The following CDH2 variants were observed in gnomAD, a reference collection of about 807,000 sequenced individuals.
CDH2 encodes the protein cadherin-2.
Under a neutral mutation model 92.0 loss-of-function variants are expected in CDH2, and 17 were observed. The ratio of observed to expected loss-of-function variants is 0.18; its 90% CI spans 0.13 to 0.28. The LOEUF is 0.28. Ranked by LOEUF, CDH2 falls within the 10% of genes least tolerant of loss-of-function variation. CDH2 has a pLI of 1.00. For synonymous variants in CDH2, 419 were observed against 415.9 expected (o/e 1.01, Z -0.09); for missense variants, 862 against 1,133.1 (o/e 0.76, Z 3.44).
chr18:28,023,252 C>T (rs2013458479), intron 2 of CDH2, among the ~76,000 whole-genome samples: 1 of 152,072 alleles, frequency 6.6e-6, no homozygotes, highest in Non-Finnish European at 1.5e-5. Context: ...ATGTTTACAC[C>T]TTCATATCAT....
At chr18:28,144,924 G>C (rs574019024) in intron 2 of CDH2, among the ~76,000 whole-genome samples, 1 of 152,172 alleles carries the variant, frequency 6.6e-6, no homozygotes, top group East Asian at 1.9e-4. Flanking sequence ...AAAAAATAAA[G>C]GGAAATGGGG....
At chr18:28,134,971 A>G (rs1209889627) in intron 2 of CDH2, among the ~76,000 whole-genome samples, 1 of 152,168 alleles carries the variant, frequency 6.6e-6, no homozygotes, top group East Asian at 1.9e-4. Context: ...AGAAGCACTG[A>G]CATCATGGGC....
chr18:28,158,762 GT>G (rs2016260610), intron 1 of CDH2, among the ~76,000 whole-genome samples: 1 of 152,286 alleles, frequency 6.6e-6, no homozygotes, highest in African/African-American at 2.4e-5. Flanking sequence ...CAGAGGCTAT[GT>G]TATGTGTGAT....
rs574764202 is a variant in CDH2 at position 28,004,552 on chromosome 18, T to C, written c.847+1297A>G. ...GTAAAATGCATCATAAATATAGCTT[T>C]AGTGGCACATTTTAAACAATTTTTG... is the stretch of plus-strand genomic sequence containing the variant. On this transcript the variant is annotated intron_variant, in intron 6 of 15. Coordinates refer to ENST00000269141, the MANE Select transcript of CDH2 (RefSeq NM_001792.5). Among the ~76,000 whole-genome samples the C allele has an allele frequency of 2.0e-5, 3 of 152,304 alleles. No individual in the cohort carries two copies. The East Asian group carries it at 5.8e-4, about 29-fold the overall frequency.
At chr18:27,986,515 T>G (rs530815539) in intron 11 of CDH2, among the ~76,000 whole-genome samples, 2 of 152,324 alleles carry the variant, frequency 1.3e-5, no homozygotes, top group East Asian at 3.9e-4. Flanking sequence ...TCCACCACTT[T>G]GTGTGATAAT....
chr18:27,962,360 A>G (rs922867734), intron 15 of CDH2, among the ~76,000 whole-genome samples: 14 of 152,368 alleles, frequency 9.2e-5, no homozygotes, highest in African/African-American at 3.4e-4. Context: ...ATAGTTATAG[A>G]GACAGGCAAC....
intron 2 of CDH2, among the ~76,000 whole-genome samples, chr18:28,100,361 C>CT (rs2015207551): frequency 6.6e-6 from 1 of 152,178 alleles, no homozygotes. Flanking sequence ...CGAACATCAG[C>CT]TTTTTTCTGC....
At chr18:28,070,676 T>G (rs1419714519) in intron 2 of CDH2, among the ~76,000 whole-genome samples, 5 of 152,190 alleles carry the variant, frequency 3.3e-5, no homozygotes, top group Admixed American at 3.3e-4. Flanking sequence ...GAAGGCAGTA[T>G]GCCCACTCCC....
intron 2 of CDH2, among the ~76,000 whole-genome samples, chr18:28,067,252 A>G (rs2014526283): frequency 6.6e-6 from 1 of 152,198 alleles, no homozygotes; most frequent in African/African-American, 2.4e-5. Context: ...TTTAAAGTAT[A>G]TAATTCAATG....
intron 9 of CDH2, among the ~76,000 whole-genome samples, chr18:27,991,783 C>A (rs1391671501): frequency 6.6e-6 from 1 of 152,162 alleles, no homozygotes; most frequent in Non-Finnish European, 1.5e-5. Context: ...ACTCCCGCAT[C>A]TGCATAATTA....
At chr18:28,156,238 A>T (rs1448133069) in intron 1 of CDH2, among the ~76,000 whole-genome samples, 1 of 152,186 alleles carries the variant, frequency 6.6e-6, no homozygotes, top group African/African-American at 2.4e-5. Context: ...CTTTTAATCA[A>T]GTAAGGACAA....
At chr18:27,980,939 G>T (rs534365578) in intron 14 of CDH2, among the ~76,000 whole-genome samples, 11 of 152,220 alleles carry the variant, frequency 7.2e-5, no homozygotes, top group African/African-American at 2.2e-4. Flanking sequence ...ATCAATCTAA[G>T]TGGATAAAGT....
At chr18:28,016,725 A>G (rs185218622) in intron 2 of CDH2, among the ~76,000 whole-genome samples, 13 of 152,280 alleles carry the variant, frequency 8.5e-5, no homozygotes. Flanking sequence ...TACATAAGTC[A>G]CTCATATCTA....
chr18:28,034,797 T>C (rs1168098260), intron 2 of CDH2, among the ~76,000 whole-genome samples: 2 of 152,058 alleles, frequency 1.3e-5, no homozygotes, highest in African/African-American at 4.8e-5. Context: ...ATTTCAAAAC[T>C]ACGGTGTTAC....
At chr18:28,037,390 T>C (rs919276279) in intron 2 of CDH2, among the ~76,000 whole-genome samples, 2 of 152,286 alleles carry the variant, frequency 1.3e-5, no homozygotes, top group Middle Eastern at 3.4e-3. Flanking sequence ...TAACAATGGA[T>C]TGTCAGATGT....
intron 14 of CDH2, among the ~76,000 whole-genome samples, chr18:27,982,288 T>C (rs1183056494): frequency 1.3e-5 from 2 of 152,198 alleles, no homozygotes; most frequent in Admixed American, 6.5e-5. Flanking sequence ...ATTCTCATCC[T>C]TGAAGAGGTA....
At chr18:28,079,974 A>G (rs551729863) in intron 2 of CDH2, among the ~76,000 whole-genome samples, 1 of 152,338 alleles carries the variant, frequency 6.6e-6, no homozygotes, top group Admixed American at 6.5e-5. Flanking sequence ...CATTTAACAC[A>G]TGAATTGAAA....
rs191629155 is a variant in CDH2 at position 28,010,501 on chromosome 18, C to T, written c.547-629G>A. ...CGCAAACATTATATCATTATAGGCT[C>T]ACTGCCTTCTCCAAATACAACTACT... On this transcript the variant is annotated intron_variant, in intron 4 of 15. Coordinates refer to ENST00000269141, the MANE Select transcript of CDH2 (RefSeq NM_001792.5). Among the ~76,000 whole-genome samples, 54 of 152,216 alleles carry T rather than the reference C, an allele frequency of 3.5e-4. 1 individual carries two copies. Among genetic ancestry groups the T allele is most frequent in the Admixed American group, 3.5e-3 (53 of 15,286 alleles).
downstream of CDH2, among the ~76,000 whole-genome samples, chr18:27,947,646 GTATGTGATATAAGTA>G (rs201378185): frequency 0.014 from 2,181 of 151,782 alleles, 36 homozygotes; most frequent in African/African-American, 0.047. Context: ...TGTGATGTAA[GTATGTGATATAAGTA>G]TATGTGATAT....
Sources: gnomAD v4.1 joint callset for allele counts (sites outside exome capture counted in the v4.1 genomes callset) on GRCh38, gnomAD v4.1.1 for gene constraint, MANE v1.5 for transcripts, NCBI Gene and HGNC (gene_info 2026-07-23, HGNC 2026-07-21) for gene names.